FAR2: variants seen among roughly 807,000 people sequenced by gnomAD.
FAR2 encodes the protein epididymis secretory protein Li 81.
FAR2 carries 19 observed loss-of-function variants against 56.0 expected under a neutral mutation model. That is an observed-to-expected ratio of 0.34 (90% CI 0.24 to 0.50). The LOEUF (loss-of-function observed/expected upper bound fraction) is 0.50, where lower values mean the gene tolerates loss of function less well. Ranked by LOEUF, FAR2 falls within the 20% of genes least tolerant of loss-of-function variation. The pLI, the probability that FAR2 is intolerant of heterozygous loss-of-function variation, is 0.98. For synonymous variants in FAR2, 219 were observed against 218.8 expected, an observed-to-expected ratio of 1.00 and a Z score of -0.01; for missense variants, 508 against 642.2, an observed-to-expected ratio of 0.79 and a Z score of 2.26.
At chr12:29,165,578 T>A (rs1412106557) in intron 1 of FAR2, among the ~76,000 whole-genome samples, 1 of 152,232 alleles carries the variant, frequency 6.6e-6, no homozygotes, top group African/African-American at 2.4e-5. Context: ...TGTTGAAATA[T>A]TCCCATTTTG....
chr12:29,246,748 A>G (rs974400371), intron 1 of FAR2, among the ~76,000 whole-genome samples: 24 of 152,158 alleles, frequency 1.6e-4, no homozygotes, highest in Non-Finnish European at 1.9e-4. Context: ...ATTAAGAAGT[A>G]ATTTTTGCAG....
intron 1 of FAR2, among the ~76,000 whole-genome samples, chr12:29,256,695 G>T (rs1198129706): frequency 6.6e-6 from 1 of 152,234 alleles, no homozygotes; most frequent in African/African-American, 2.4e-5. Flanking sequence ...GGGCCAGCTG[G>T]AGTTCCGGGT....
chr12:29,250,552 C>G (rs1212920440), intron 1 of FAR2, among the ~76,000 whole-genome samples: 2 of 152,102 alleles, frequency 1.3e-5, no homozygotes, highest in Non-Finnish European at 2.9e-5. Flanking sequence ...GTTAGTTACA[C>G]TGAGACGGTC....
intron 2 of FAR2, among the ~76,000 whole-genome samples, chr12:29,289,634 A>C (rs371833163): frequency 2.0e-5 from 3 of 152,216 alleles, no homozygotes; most frequent in African/African-American, 7.2e-5. Context: ...GTCTGGGCAA[A>C]AATTTATTGA....
chr12:29,191,001 C>T (rs911763012), intron 1 of FAR2, among the ~76,000 whole-genome samples: 6 of 152,186 alleles, frequency 3.9e-5, no homozygotes, highest in African/African-American at 1.4e-4. Flanking sequence ...CAATTGAAAA[C>T]TCATTCCTGC....
intron 1 of FAR2, among the ~76,000 whole-genome samples, chr12:29,208,797 C>A (rs1003160563): frequency 6.6e-6 from 1 of 152,144 alleles, no homozygotes; most frequent in Admixed American, 6.5e-5. Flanking sequence ...TCATTGTGTG[C>A]ACTGGAGTGT....
chr12:29,285,267 T>C (rs1948855358), intron 2 of FAR2, among the ~76,000 whole-genome samples: 1 of 152,252 alleles, frequency 6.6e-6, no homozygotes, highest in Admixed American at 6.5e-5. Flanking sequence ...TTGACATTAA[T>C]GATTCTGTTA....
At chr12:29,212,057 G>T (rs1335377086) in intron 1 of FAR2, among the ~76,000 whole-genome samples, 2 of 151,472 alleles carry the variant, frequency 1.3e-5, no homozygotes, top group Non-Finnish European at 2.9e-5. Flanking sequence ...GGGTGACAGA[G>T]CAAGACTCTG....
In FAR2 at chr12:29,302,858, C is replaced by T. The variant is rs1949199285; in HGVS notation, c.546-4800C>T. On this transcript the variant is annotated intron_variant, in intron 4 of 11. Coordinates refer to ENST00000536681, the MANE Select transcript of FAR2 (RefSeq NM_001271783.2). Reference sequence around the variant, plus strand: ...ATGGAAGACTAGAATGAGGGTGAGGCAACAGGTATAAAAAACATCTCCATG... The same window carrying T: ...ATGGAAGACTAGAATGAGGGTGAGGTAACAGGTATAAAAAACATCTCCATG... Among the ~76,000 whole-genome samples, 4 of 151,850 alleles carry T rather than the reference C, an allele frequency of 2.6e-5. No individual in the cohort carries two copies. The South Asian group carries it at 8.3e-4, about 32-fold the overall frequency.
chr12:29,150,937 C>T, intron 1 of FAR2, among the ~76,000 whole-genome samples: 1 of 152,086 alleles, frequency 6.6e-6, no homozygotes, highest in South Asian at 2.1e-4. Context: ...AATATGCTTT[C>T]CTTAAAGGAA....
chr12:29,320,035 C>A (rs1388490171), intron 9 of FAR2, among the ~76,000 whole-genome samples: 2 of 152,114 alleles, frequency 1.3e-5, no homozygotes, highest in African/African-American at 2.4e-5. Flanking sequence ...GACCCCATCA[C>A]TACAAAAATA....
rs1948694654 is a variant in FAR2 at position 29,275,453 on chromosome 12, T to A, written c.189+4815T>A. 2.0e-5 allele frequency among the ~76,000 whole-genome samples: 3 copies of A among 152,012 alleles called. No individual in the cohort carries two copies. The South Asian group carries it at 6.2e-4, about 31-fold the overall frequency. On this transcript the variant is annotated intron_variant, in intron 2 of 11. Coordinates refer to ENST00000536681, the MANE Select transcript of FAR2 (RefSeq NM_001271783.2). ...GGGGATATGATGGCCTAGCTTGGGG[T>A]CAGAGGCCTGACAGGTATATACCCA...
At chr12:29,290,816 T>A (rs567541412) in intron 2 of FAR2, among the ~76,000 whole-genome samples, 14 of 152,196 alleles carry the variant, frequency 9.2e-5, no homozygotes, top group Non-Finnish European at 1.6e-4. Context: ...ATTGAACTCA[T>A]GGACATAAAG....
intron 4 of FAR2, among the ~76,000 whole-genome samples, chr12:29,305,749 G>A (rs1949244774): frequency 6.6e-6 from 1 of 152,192 alleles, no homozygotes; most frequent in African/African-American, 2.4e-5. Flanking sequence ...GAATACAGGT[G>A]TAGCTGAGAG....
intron 2 of FAR2, among the ~76,000 whole-genome samples, chr12:29,290,715 T>G (rs1262408644): frequency 6.6e-6 from 1 of 152,162 alleles, no homozygotes; most frequent in Non-Finnish European, 1.5e-5. Flanking sequence ...TGGATGGAAA[T>G]GGAGGTCATT....
chr12:29,168,212 A>G (rs888221698), intron 1 of FAR2, among the ~76,000 whole-genome samples: 6 of 152,204 alleles, frequency 3.9e-5, no homozygotes, highest in African/African-American at 1.4e-4. Context: ...TTCTCGCTCC[A>G]TAAAAGGGAA....
At chr12:29,327,020 A>C (rs1949660201) in intron 10 of FAR2, among the ~76,000 whole-genome samples, 1 of 152,196 alleles carries the variant, frequency 6.6e-6, no homozygotes, top group Admixed American at 6.6e-5. Flanking sequence ...TCTCAGCCCA[A>C]AATCTCCTTA....
At chr12:29,282,972 G>A (rs916688478) in intron 2 of FAR2, among the ~76,000 whole-genome samples, 12 of 151,614 alleles carry the variant, frequency 7.9e-5, no homozygotes, top group African/African-American at 2.7e-4. Context: ...ATGAATTAAT[G>A]GCAGGATTCT....
intron 2 of FAR2, among the ~76,000 whole-genome samples, chr12:29,271,041 C>T (rs1948610027): frequency 6.6e-6 from 1 of 152,144 alleles, no homozygotes; most frequent in African/African-American, 2.4e-5. Flanking sequence ...GCTTAGGGAG[C>T]AGATGTGACT....
Sources: gnomAD v4.1 joint callset for allele counts (sites outside exome capture counted in the v4.1 genomes callset) on GRCh38, gnomAD v4.1.1 for gene constraint, MANE v1.5 for transcripts, NCBI Gene and HGNC (gene_info 2026-07-23, HGNC 2026-07-21) for gene names.